XPO7: variants seen among roughly 807,000 people sequenced by gnomAD.
XPO7 encodes exportin-7.
XPO7 carries 21 observed loss-of-function variants against 144.3 expected under a neutral mutation model. The observed-to-expected ratio is 0.15, with a 90% CI of 0.10 to 0.21. The LOEUF (loss-of-function observed/expected upper bound fraction) is 0.21. XPO7 is among the 10% of genes least tolerant of loss of function. The pLI is 1.00. For synonymous variants in XPO7, 580 were observed against 499.6 expected (o/e 1.16, Z -2.15); for missense variants, 808 against 1,325.8 (o/e 0.61, Z 6.06).
chr8:21,936,687 C>T (rs1475627705), intron 1 of XPO7, among the ~76,000 whole-genome samples: 1 of 152,182 alleles, frequency 6.6e-6, no homozygotes, highest in Non-Finnish European at 1.5e-5. Flanking sequence ...ACTAAAGACT[C>T]TTAGGAGTTC....
intron 1 of XPO7, among the ~76,000 whole-genome samples, chr8:21,936,628 A>G (rs1810830549): frequency 6.6e-6 from 1 of 152,172 alleles, no homozygotes; most frequent in African/African-American, 2.4e-5. Flanking sequence ...AAAAGTTGGA[A>G]ACTATGTATT....
At chr8:21,969,455 TA>T (rs750232722) in intron 2 of XPO7, 27 bp from the exon 3 acceptor site, 9 of 1,584,788 alleles carry the variant, frequency 5.7e-6, no homozygotes, top group Non-Finnish European at 7.8e-6. Flanking sequence ...AATACAATTT[TA>T]AGTCCTTTTT....
At chr8:21,988,922 G>C in intron 15 of XPO7, 81 bp from the exon 16 acceptor site, 1 of 1,317,480 alleles carries the variant, frequency 7.6e-7, no homozygotes, top group Non-Finnish European at 1.1e-6. Context: ...TTTGATGAAT[G>C]ACTTTCTTCT....
At chr8:21,933,264 C>T (rs999878783) in intron 1 of XPO7, among the ~76,000 whole-genome samples, 19 of 152,044 alleles carry the variant, frequency 1.2e-4, no homozygotes, top group African/African-American at 4.6e-4. Context: ...CCACACCCGG[C>T]TAATTTTTTC....
chr8:21,936,713 AT>A (rs1439239413), intron 1 of XPO7, among the ~76,000 whole-genome samples: 1 of 152,134 alleles, frequency 6.6e-6, no homozygotes, highest in African/African-American at 2.4e-5. Flanking sequence ...TTTAAAAATG[AT>A]TTTACTTTGG....
chr8:21,976,559 C>T, intron 7 of XPO7, 38 bp downstream of exon 7: 1 of 1,592,172 alleles, frequency 6.3e-7, no homozygotes, highest in South Asian at 1.1e-5. Context: ...CTGTCTGTCA[C>T]TCCCCTACAG....
In XPO7 at chr8:21,992,410, T is replaced by C. The variant is rs1035440083; in HGVS notation, c.2148+436T>C. On this transcript the variant is annotated intron_variant, in intron 19 of 27. Transcript: ENST00000252512. Reference sequence around the variant, plus strand: ...GTCAAGTTTCTACATTGTTGTGAAATAGATCTTCAGAATCCATAATTTTAA... The same window carrying C: ...GTCAAGTTTCTACATTGTTGTGAAACAGATCTTCAGAATCCATAATTTTAA... 5.3e-5 allele frequency among the ~76,000 whole-genome samples: 8 copies of C among 152,346 alleles called. No individual in the cohort carries two copies. The South Asian group carries it at 1.2e-3, about 24-fold the overall frequency.
rs1192648638 is a variant in XPO7 at position 21,991,980 on chromosome 8, T to C, written c.2148+6T>C. The C allele has an allele frequency of 3.7e-6, 6 of 1,608,552 alleles. No homozygotes were observed. The highest frequency in any genetic ancestry group is 5.1e-6 in the Non-Finnish European group (6 of 1,176,204). On this transcript the variant is annotated splice_donor_region_variant and intron_variant, in intron 19 of 27. Coordinates refer to ENST00000252512, the MANE Select transcript of XPO7 (RefSeq NM_015024.5). ...TCAACGAGCAGGAGGCAAAGGTGAG[T>C]GAGTCTTTCACCCAGTAATTAATCA...
intron 1 of XPO7, among the ~76,000 whole-genome samples, chr8:21,923,819 C>T (rs552523463): frequency 2.4e-4 from 37 of 152,162 alleles, no homozygotes; most frequent in Non-Finnish European, 4.1e-4. Flanking sequence ...CACAGCCTTT[C>T]GAGGTGGGAA....
intron 1 of XPO7, among the ~76,000 whole-genome samples, chr8:21,930,939 C>G (rs892858596): frequency 6.6e-6 from 1 of 152,166 alleles, no homozygotes. Context: ...CTTCTGGGTT[C>G]AAGCAATTCT....
intron 1 of XPO7, among the ~76,000 whole-genome samples, chr8:21,946,585 AC>A (rs1252432337): frequency 8.0e-5 from 4 of 50,288 alleles, no homozygotes; most frequent in Non-Finnish European, 1.4e-4. Flanking sequence ...AAAAAAAAAA[AC>A]AAAAAAAAAA....
intron 1 of XPO7, among the ~76,000 whole-genome samples, chr8:21,932,364 ACTT>A (rs1810680809): frequency 6.6e-6 from 1 of 152,190 alleles, no homozygotes; most frequent in Non-Finnish European, 1.5e-5. Flanking sequence ...GTACGTCAAA[ACTT>A]CTTAAGAAAC....
intron 1 of XPO7, among the ~76,000 whole-genome samples, chr8:21,925,396 AT>A (rs889997626): frequency 6.6e-6 from 1 of 152,244 alleles, no homozygotes; most frequent in African/African-American, 2.4e-5. Flanking sequence ...ATTAATTGAT[AT>A]CATTTAATGC....
At chr8:21,944,888 G>A (rs1415591849) in intron 1 of XPO7, among the ~76,000 whole-genome samples, 1 of 152,158 alleles carries the variant, frequency 6.6e-6, no homozygotes, top group Non-Finnish European at 1.5e-5. Flanking sequence ...AACCCTTAGT[G>A]GACACAGCAC....
At position 22,002,225 on chromosome 8, in the gene XPO7, G is replaced by C; in HGVS notation, c.2896G>C (p.Asp966His). ...KRTTPLNQESDRFLHIMQQHP... is the reference protein window; with the variant it reads ...KRTTPLNQESHRFLHIMQQHP... ...GACCACACCCCTGAACCAGGAGAGCGACCGCTTTCTGCACATCATGCAGCA... is the reference window on the plus strand; with the variant it reads ...GACCACACCCCTGAACCAGGAGAGCCACCGCTTTCTGCACATCATGCAGCA... Residue 966 changes from aspartate to histidine, a missense_variant, in exon 25 of 28, where the codon GAC (aspartate) becomes CAC (histidine). This residue lies in a region of XPO7 where 140 missense variants were observed against 237.9 expected (regional missense o/e 0.59). Transcript: ENST00000252512. 6.2e-7 allele frequency: 1 copy of C among 1,613,276 alleles called. No individual in the cohort carries two copies. The highest frequency in any genetic ancestry group is 8.5e-7 in the Non-Finnish European group (1 of 1,179,584).
chr8:21,921,316 A>G (rs989436129), intron 1 of XPO7: 1 of 152,172 alleles, frequency 6.6e-6, no homozygotes, highest in African/African-American at 2.4e-5. Context: ...TGATAATGAG[A>G]TTTGGTTAAG....
intron 1 of XPO7, among the ~76,000 whole-genome samples, chr8:21,957,701 A>G (rs961741850): frequency 1.3e-5 from 2 of 152,146 alleles, no homozygotes; most frequent in Non-Finnish European, 2.9e-5. Flanking sequence ...GACTTATCCA[A>G]TGTTAAGACG....
At chr8:21,959,055 C>G (rs546426807) in intron 1 of XPO7, among the ~76,000 whole-genome samples, 1 of 151,970 alleles carries the variant, frequency 6.6e-6, no homozygotes, top group South Asian at 2.1e-4. Context: ...CCACTCTGTC[C>G]ACGTGCATGA....
chr8:21,999,772 C>A, intron 24 of XPO7, 98 bp downstream of exon 24: 1 of 1,485,938 alleles, frequency 6.7e-7, no homozygotes, highest in Non-Finnish European at 9.2e-7. Context: ...AAAAAGATCA[C>A]CACTGCCTTG....
Sources: gnomAD v4.1 joint callset for allele counts (sites outside exome capture counted in the v4.1 genomes callset) on GRCh38, gnomAD v4.1.1 for gene constraint, gnomAD v4.1.1 regional missense constraint, MANE v1.5 for transcripts, NCBI Gene and HGNC (gene_info 2026-07-23, HGNC 2026-07-21) for gene names.